The following DNAJC3 variants were observed in gnomAD, a reference collection of about 807,000 sequenced individuals.
DNAJC3 encodes DnaJ heat shock protein family (Hsp40) member C3, also known as dnaJ homolog subfamily C member 3.
Under a neutral mutation model 68.6 loss-of-function variants are expected in DNAJC3, and 38 were observed. That is an observed-to-expected ratio of 0.55 (90% CI 0.43 to 0.73). The LOEUF is 0.73. Among genes scored for constraint, DNAJC3 ranks in the 30% least tolerant of loss-of-function variants. DNAJC3 has a pLI of 0.00. For missense variants in DNAJC3, 526 were observed against 591.9 expected (o/e 0.89, Z 1.16); for synonymous variants, 203 against 204.0 (o/e 1.00, Z 0.04).
At chr13:95,784,856 C>A (rs1328512465) in intron 9 of DNAJC3, among the ~76,000 whole-genome samples, 1 of 151,974 alleles carries the variant, frequency 6.6e-6, no homozygotes, top group South Asian at 2.1e-4. Context: ...TGCCTGTAGT[C>A]CCAGCTACTT....
intron 1 of DNAJC3, chr13:95,695,559 G>A (rs1031277879): frequency 2.6e-5 from 4 of 152,178 alleles, no homozygotes; most frequent in African/African-American, 9.7e-5. Context: ...TTTAGTGGCG[G>A]ACTTGCTTAC....
intron 9 of DNAJC3, among the ~76,000 whole-genome samples, chr13:95,774,870 A>G (rs922297822): frequency 6.6e-6 from 1 of 152,182 alleles, no homozygotes; most frequent in African/African-American, 2.4e-5. Context: ...CTTTATAAGT[A>G]TGTCTCTTAT....
At chr13:95,764,693 CACATATATATAT>C (rs1350861723) in intron 9 of DNAJC3, among the ~76,000 whole-genome samples, 2 of 130,462 alleles carry the variant, frequency 1.5e-5, no homozygotes, top group African/African-American at 3.0e-5. Context: ...TACACACACA[CACATATATATAT>C]ACATATATAT....
chr13:95,738,154 G>C (rs1021847251), intron 4 of DNAJC3, among the ~76,000 whole-genome samples: 1 of 148,602 alleles, frequency 6.7e-6, no homozygotes, highest in Admixed American at 6.7e-5. Flanking sequence ...TCTTAATCCT[G>C]AGTTCTAGTT....
intron 2 of DNAJC3, among the ~76,000 whole-genome samples, chr13:95,716,014 C>T (rs1881132932): frequency 2.0e-5 from 3 of 151,232 alleles, no homozygotes; most frequent in South Asian, 2.1e-4. Context: ...AAAAGTTAAC[C>T]GGGCGTGGTG....
chr13:95,713,826 A>AGT (rs1881051926), intron 2 of DNAJC3, among the ~76,000 whole-genome samples: 1 of 152,226 alleles, frequency 6.6e-6, no homozygotes, highest in South Asian at 2.1e-4. Context: ...AGAGCCTGCT[A>AGT]GTCTCTTGCC....
intron 4 of DNAJC3, among the ~76,000 whole-genome samples, chr13:95,750,669 C>T (rs1882447996): frequency 1.3e-5 from 2 of 151,928 alleles, no homozygotes; most frequent in Non-Finnish European, 2.9e-5. Context: ...GCCACCACTC[C>T]CAGCTAATTT....
intron 4 of DNAJC3, among the ~76,000 whole-genome samples, chr13:95,730,687 A>G (rs920652315): frequency 9.2e-5 from 14 of 152,218 alleles, no homozygotes; most frequent in Admixed American, 3.9e-4. Flanking sequence ...GTTTTATACC[A>G]ATACCATGCT....
chr13:95,706,760 C>T (rs948215968), intron 1 of DNAJC3, among the ~76,000 whole-genome samples: 7 of 152,282 alleles, frequency 4.6e-5, no homozygotes, highest in African/African-American at 1.7e-4. Context: ...AATAAATATT[C>T]CCATTCCAAA....
At position 95,695,729 on chromosome 13, in the gene DNAJC3, A is replaced by G. The variant is rs187841740; in HGVS notation, c.83-13498A>G. The stretch of plus-strand genomic sequence containing the variant: ...GAAACTGCCCTTGTAGTACAACTCA[A>G]TACTCTGGTCTTCTAAACCAGAAAT... On this transcript the variant is annotated intron_variant, in intron 1 of 11. Transcript: ENST00000602402. The G allele has an allele frequency of 2.0e-5, 3 of 152,302 alleles. No individual in the cohort carries two copies. The East Asian group carries it at 5.8e-4, about 29-fold the overall frequency. The allele number at this position is 152,302 out of a possible 1,614,324, so 9.4% of individuals were successfully genotyped here. A position where few individuals can be genotyped will look rare whatever the true frequency, so the allele number is the denominator to read the frequency against.
chr13:95,740,909 T>A (rs1301189795), intron 4 of DNAJC3, among the ~76,000 whole-genome samples: 3 of 152,258 alleles, frequency 2.0e-5, no homozygotes, highest in East Asian at 3.8e-4. Context: ...TGATTCTTTT[T>A]AAAAATGATA....
At chr13:95,726,969 C>T (rs73550589) in intron 4 of DNAJC3, among the ~76,000 whole-genome samples, 2,602 of 152,246 alleles carry the variant, frequency 0.017, 79 homozygotes, top group African/African-American at 0.06. Context: ...TCAATAAAAT[C>T]GGCTGTCATT....
At chr13:95,789,621 T>G (rs1429959450) in intron 11 of DNAJC3, among the ~76,000 whole-genome samples, 1 of 152,226 alleles carries the variant, frequency 6.6e-6, no homozygotes, top group African/African-American at 2.4e-5. Context: ...AACTGATATG[T>G]GCATGTGTCT....
chr13:95,722,826 C>CCAT (rs1881373059), intron 2 of DNAJC3, among the ~76,000 whole-genome samples: 1 of 15,744 alleles, frequency 6.4e-5, no homozygotes, highest in African/African-American at 1.3e-4. Flanking sequence ...CCCCCCCCCC[C>CCAT]CCCCCCCCCC....
intron 4 of DNAJC3, among the ~76,000 whole-genome samples, chr13:95,735,629 G>C (rs1346537012): frequency 1.3e-5 from 2 of 150,848 alleles, no homozygotes; most frequent in East Asian, 3.9e-4. Flanking sequence ...CTTTTGAGAA[G>C]TGTCTGTTCA....
chr13:95,769,483 A>G (rs1025474502), intron 9 of DNAJC3, among the ~76,000 whole-genome samples: 7 of 152,224 alleles, frequency 4.6e-5, no homozygotes, highest in Admixed American at 3.9e-4. Context: ...GCCATTCTTT[A>G]TACAACATCA....
intron 11 of DNAJC3, among the ~76,000 whole-genome samples, chr13:95,789,973 GGTT>G (rs1345872674): frequency 6.6e-6 from 1 of 151,956 alleles, no homozygotes; most frequent in Non-Finnish European, 1.5e-5. Flanking sequence ...TTTTTAATGG[GGTT>G]GTTTTCTTGT....
chr13:95,779,057 GTTTTAT>G (rs895552530), intron 9 of DNAJC3, among the ~76,000 whole-genome samples: 7 of 135,342 alleles, frequency 5.2e-5, no homozygotes, highest in African/African-American at 1.6e-4. Flanking sequence ...TTTTTTGGTT[GTTTTAT>G]TTTTAATTGT....
In DNAJC3 at chr13:95,785,988, G is replaced by C. The variant is rs775358801; in HGVS notation, c.1125G>C (p.Gln375His). The C allele has an allele frequency of 7.4e-6, 12 of 1,611,590 alleles. No homozygotes were observed. Among genetic ancestry groups the C allele is most frequent in the Non-Finnish European group, 1.0e-5 (12 of 1,179,044 alleles). Residue 375 changes from glutamine (Q) to histidine (H), a missense_variant, in exon 10 of 12, where the codon CAG becomes CAC. Transcript: ENST00000602402. The part of the protein sequence containing the change: ...TAQEHNENDQ[Q>H]IREGLEKAQR... ...AGGAACACAATGAAAATGATCAGCA[G>C]ATTCGAGAAGGTCTAGAGAAAGCAC...
Sources: allele counts gnomAD v4.1 joint callset (sites outside exome capture counted in the v4.1 genomes callset), GRCh38; gene constraint gnomAD v4.1.1; transcripts MANE v1.5; gene names NCBI Gene and HGNC (gene_info 2026-07-23, HGNC 2026-07-21).